Variants in TP53I13 observed in about 807,000 individuals in gnomAD.
The protein encoded by TP53I13 is tumor protein p53-inducible protein 13.
TP53I13 carries 27 observed loss-of-function variants against 39.1 expected under a neutral mutation model. The observed-to-expected ratio is 0.69, with a 90% confidence interval of 0.51 to 0.95. TP53I13 has a LOEUF of 0.95. TP53I13 is among the 40% of genes least tolerant of loss of function. TP53I13 has a pLI of 0.00. For missense variants in TP53I13, 544 were observed against 520.4 expected (o/e 1.05, Z -0.44); for synonymous variants, 230 against 224.6 (o/e 1.02, Z -0.22).
upstream of TP53I13, chr17:29,566,386 C>T (rs772892541): frequency 6.2e-7 from 1 of 1,611,000 alleles, no homozygotes; most frequent in East Asian, 2.2e-5. Context: ...GTGGTGGCCG[C>T]GGCGATGGAA....
chr17:29,571,858 C>T lies in TP53I13; in HGVS notation c.314C>T (p.Pro105Leu), dbSNP rs771702817. ...TCTAACAGTTACCTCCTCTCGTAGCCCCTGGTGCTGACTGCATGGGGGCTG... is the reference window on the plus strand; with the variant it reads ...TCTAACAGTTACCTCCTCTCGTAGCTCCTGGTGCTGACTGCATGGGGGCTG... ...TPDFSLTQDR[P>L]LVLTAWGLAL... Residue 105 changes from proline to leucine, a missense_variant and splice_region_variant, in exon 5 of 7, where the codon CCC becomes CTC. By Grantham distance (98) the Pro-to-Leu change is moderately conservative (BLOSUM62 -3). Coordinates refer to ENST00000301057, the MANE Select transcript of TP53I13 (RefSeq NM_138349.4). 3 of 1,613,252 alleles carry T rather than the reference C, an allele frequency of 1.9e-6. No homozygotes were observed. Among genetic ancestry groups the T allele is most frequent in the Admixed American group, 1.7e-5 (1 of 60,030 alleles).
chr17:29,573,868 CAT>C (rs1232469914), downstream of TP53I13: 2 of 152,872 alleles, frequency 1.3e-5, no homozygotes, highest in South Asian at 2.1e-4. Context: ...GATTTAAGTT[CAT>C]AGAGAAGGGG....
upstream of TP53I13, chr17:29,566,550 C>G (rs749756780): frequency 6.2e-7 from 1 of 1,610,156 alleles, no homozygotes. Context: ...GTCCTACCAC[C>G]CAGTCCAGGG....
chr17:29,567,066 C>G (rs572702582), upstream of TP53I13: 12 of 1,058,072 alleles, frequency 1.1e-5, no homozygotes, highest in African/African-American at 1.7e-5. This position sits in a 1 kb window ranked among gnomAD's most constrained non-coding sequence, Gnocchi z 6.6. Context: ...GGCGGCTGCC[C>G]AGGGCCCTCC....
upstream of TP53I13, chr17:29,566,875 C>A (rs62070806): frequency 0.081 from 122,345 of 1,501,634 alleles, 5,755 homozygotes; most frequent in Non-Finnish European, 0.095. Context: ...TCCGACGGCG[C>A]GCCCCCAGGG....
upstream of TP53I13, chr17:29,566,503 C>A: frequency 3.1e-6 from 5 of 1,610,836 alleles, no homozygotes; most frequent in Non-Finnish European, 4.2e-6. Context: ...CGCAGGAAGG[C>A]CCCCGGCGCT....
upstream of TP53I13, chr17:29,566,936 T>A (rs975077182): frequency 2.8e-6 from 4 of 1,446,774 alleles, no homozygotes; most frequent in Non-Finnish European, 3.6e-6. Flanking sequence ...ACGGCCAAGA[T>A]GAGCGCGAGG....
chr17:29,576,570 C>T (rs771633165), downstream of TP53I13: 5 of 1,614,074 alleles, frequency 3.1e-6, no homozygotes, highest in East Asian at 1.1e-4. Context: ...TGTTGACCTT[C>T]ATGAGCTGCT....
At chr17:29,581,504 G>A in the TP53I13 span, 3 of 823,462 alleles carry the variant, frequency 3.6e-6, no homozygotes, top group Admixed American at 5.7e-5. The surrounding 1 kb of genome is among the most constrained non-coding windows in gnomAD (Gnocchi z 4.8). Flanking sequence ...GGGGAGGGCA[G>A]GCCACCCCCA....
rs2032928398 is a variant in TP53I13 at position 29,571,670 on chromosome 17, G to T, written c.263G>T (p.Cys88Phe). The T allele has an allele frequency of 6.2e-7, 1 of 1,614,044 alleles. No homozygotes were observed. Among genetic ancestry groups the T allele is most frequent in the African/African-American group, 1.3e-5 (1 of 74,930 alleles). The change falls in exon 4 of 7, where the codon TGT (cysteine) becomes TTT (phenylalanine). Residue 88 changes from cysteine (C) to phenylalanine (F), a missense_variant. Coordinates refer to ENST00000301057, the MANE Select transcript of TP53I13 (RefSeq NM_138349.4). Reference sequence around the variant, plus strand: ...CAGCTTGCCCTCCTGGCCTATGCTTGTATGGCTAACCCTTCCCTCACCCCT... The same window carrying T: ...CAGCTTGCCCTCCTGGCCTATGCTTTTATGGCTAACCCTTCCCTCACCCCT... ...KLQLALLAYACMANPSLTPDF... is the reference protein window; with the variant it reads ...KLQLALLAYAFMANPSLTPDF...
chr17:29,581,354 G>A, the TP53I13 span: 1 of 1,612,634 alleles, frequency 6.2e-7, no homozygotes, highest in South Asian at 1.1e-5. The surrounding 1 kb of genome is among the most constrained non-coding windows in gnomAD (Gnocchi z 4.8). Flanking sequence ...GCCATCTGTG[G>A]GATGATGTAA....
chr17:29,581,022 GC>G, the TP53I13 span: 8 of 346,630 alleles, frequency 2.3e-5, no homozygotes, highest in Admixed American at 1.5e-4. This position sits in a 1 kb window ranked among gnomAD's most constrained non-coding sequence, Gnocchi z 4.8. Context: ...CAGGTGATCC[GC>G]CCGCCTCGGC....
chr17:29,579,001 G>A, the TP53I13 span: 2 of 1,613,594 alleles, frequency 1.2e-6, no homozygotes, highest in East Asian at 4.5e-5. Context: ...AAGTCCAGAG[G>A]AAGGCAGCAG....
rs1416622735 is a variant in TP53I13, at chr17:29,572,969, G to A, written c.*45G>A. On this transcript the variant is annotated 3_prime_UTR_variant, in exon 7 of 7. Transcript: ENST00000301057. ...GTGGCGTGCGGCTCCTCCCCGCGCC[G>A]CGAGGCCGCGACCTCTGCCACGTGG... 3.0e-6 allele frequency: 4 copies of A among 1,347,276 alleles called. No homozygotes were observed. The highest frequency in any genetic ancestry group is 2.9e-6 in the Non-Finnish European group (3 of 1,050,298). The allele number at this position is 1,347,276 out of a possible 1,614,324, so 83.5% of individuals were successfully genotyped here. A position where few individuals can be genotyped will look rare whatever the true frequency, so the allele number is the denominator to read the frequency against.
In TP53I13 at chr17:29,571,703, G is replaced by A; in HGVS notation, c.296G>A (p.Ser99Asn). The A allele has an allele frequency of 3.7e-6, 6 of 1,614,128 alleles. No individual in the cohort carries two copies. The highest frequency in any genetic ancestry group is 4.2e-6 in the Non-Finnish European group (5 of 1,180,032). ...MANPSLTPDF[S>N]LTQDRPLVLT... ...AACCCTTCCCTCACCCCTGACTTCA[G>A]CCTCACGCAGGATCGGGTATGTAGC... The change falls in exon 4 of 7, where the codon AGC becomes AAC. Residue 99 changes from serine to asparagine, a missense_variant. By Grantham distance (46) the Ser-to-Asn change is conservative. Coordinates refer to ENST00000301057, the MANE Select transcript of TP53I13 (RefSeq NM_138349.4).
chr17:29,578,938 G>C, the TP53I13 span: 1 of 1,612,312 alleles, frequency 6.2e-7, no homozygotes, highest in Middle Eastern at 1.7e-4. Flanking sequence ...CTTCAGGCCT[G>C]CTGCCCCGGC....
At position 29,572,138 on chromosome 17, in the gene TP53I13, T is replaced by TC. The variant is rs1193887421; in HGVS notation, c.514-4_514-3insC. On this transcript the variant is annotated splice_polypyrimidine_tract_variant and splice_region_variant and intron_variant, in intron 5 of 6. Transcript: ENST00000301057. ...AGGGTGATTGCTCTCTCTCCTCTCCTTAGGCCCTGGCTCTGGCCTTTGCTC... is the reference window on the plus strand; with the variant it reads ...AGGGTGATTGCTCTCTCTCCTCTCCTCTAGGCCCTGGCTCTGGCCTTTGCTC... 9 of 1,608,994 alleles carry TC rather than the reference T, an allele frequency of 5.6e-6. No homozygotes were observed. The African/African-American group carries it at 6.7e-5, about 12-fold the overall frequency.
rs2032925600 is a variant in TP53I13 at position 29,571,617 on chromosome 17, C to T, written c.210C>T (p.His70=). 3.7e-6 allele frequency: 6 copies of T among 1,614,008 alleles called. No individual in the cohort carries two copies. The highest frequency in any genetic ancestry group is 4.2e-6 in the Non-Finnish European group (5 of 1,180,030). ...CTGAGGATGTCACCTTCCTCTACCA[C>T]CCCTGTGCCCATCCCTGGCTGAAGC... is the stretch of plus-strand genomic sequence containing the variant. ...GQAEDVTFLY[H]PCAHPWLKLQ... Residue 70 remains histidine, a synonymous_variant, in exon 4 of 7, where the codon CAC becomes CAT. Coordinates refer to ENST00000301057, the MANE Select transcript of TP53I13 (RefSeq NM_138349.4).
At chr17:29,574,608 G>T (rs780439070), downstream of TP53I13, 2 of 1,070,062 alleles carry the variant, frequency 1.9e-6, no homozygotes, top group Non-Finnish European at 2.9e-6. Context: ...ACTTGTGCCA[G>T]TGGCTCTGTT....
Sources: gnomAD v4.1 joint callset for allele counts on GRCh38, gnomAD v4.1.1 for gene constraint, Gnocchi (gnomAD v3.1) non-coding constraint, MANE v1.5 for transcripts, NCBI Gene and HGNC (gene_info 2026-07-23, HGNC 2026-07-21) for gene names.